FAM24B: variants seen among roughly 807,000 people sequenced by gnomAD.
The protein encoded by FAM24B is protein FAM24B.
Under a neutral mutation model 2.3 loss-of-function variants are expected in FAM24B, and 3 were observed. The observed-to-expected ratio is 1.29, with a 90% CI of 0.59 to 3.32. The LOEUF (loss-of-function observed/expected upper bound fraction) is 3.32, where lower values mean the gene tolerates loss of function less well. Ranked by LOEUF, FAM24B falls within the 30% of genes most tolerant of loss-of-function variation. The pLI is 0.03. For missense variants in FAM24B, 98 were observed against 117.2 expected, an observed-to-expected ratio of 0.84 and a Z score of 0.76; for synonymous variants, 36 against 46.3, an observed-to-expected ratio of 0.78 and a Z score of 0.90.
chr10:122,855,205 A>G (rs1847617836), intron 2 of FAM24B: 1 of 152,196 alleles, frequency 6.6e-6, no homozygotes, highest in African/African-American at 2.4e-5. Flanking sequence ...GATTTTATGA[A>G]CTGCCAAGGT....
chr10:122,873,478 C>T (rs963331243), intron 1 of FAM24B, among the ~76,000 whole-genome samples: 2 of 152,224 alleles, frequency 1.3e-5, no homozygotes, highest in Admixed American at 6.5e-5. Context: ...TGATGCTTGG[C>T]CAGGGCCACC....
At chr10:122,876,862 AC>A (rs1262347359) in intron 1 of FAM24B, among the ~76,000 whole-genome samples, 1 of 152,228 alleles carries the variant, frequency 6.6e-6, no homozygotes, top group African/African-American at 2.4e-5. Flanking sequence ...AGAAAAGAGC[AC>A]ACAAAAACAA....
At chr10:122,867,905 C>T (rs917783013) in intron 1 of FAM24B, among the ~76,000 whole-genome samples, 1 of 152,212 alleles carries the variant, frequency 6.6e-6, no homozygotes, top group Admixed American at 6.5e-5. Flanking sequence ...CAAAGGAACG[C>T]AGCTCCTCAC....
intron 1 of FAM24B, among the ~76,000 whole-genome samples, chr10:122,865,169 A>G (rs949926106): frequency 6.6e-6 from 1 of 152,196 alleles, no homozygotes; most frequent in African/African-American, 2.4e-5. Context: ...ACCCACCAGC[A>G]TCATTTGGAT....
chr10:122,871,204 A>T (rs1378842073), intron 1 of FAM24B, among the ~76,000 whole-genome samples: 2 of 151,870 alleles, frequency 1.3e-5, no homozygotes, highest in African/African-American at 4.8e-5. Flanking sequence ...AAAGAGAATA[A>T]AATACCTAGG....
chr10:122,857,197 A>C (rs1339913801), intron 1 of FAM24B, among the ~76,000 whole-genome samples: 1 of 152,212 alleles, frequency 6.6e-6, no homozygotes, highest in East Asian at 1.9e-4. Context: ...CTACCCAGAT[A>C]ATCTCTATTT....
intron 1 of FAM24B, among the ~76,000 whole-genome samples, chr10:122,867,537 C>T (rs893662322): frequency 2.6e-5 from 4 of 152,188 alleles, no homozygotes; most frequent in Non-Finnish European, 5.9e-5. Context: ...TGGGAGGCAC[C>T]CCCTAGTAGG....
At chr10:122,860,581 A>C (rs1847713098) in intron 1 of FAM24B, among the ~76,000 whole-genome samples, 2 of 152,222 alleles carry the variant, frequency 1.3e-5, no homozygotes, top group Non-Finnish European at 2.9e-5. Context: ...TGACTTTATA[A>C]AAAACTGCCA....
intron 2 of FAM24B, among the ~76,000 whole-genome samples, chr10:122,853,672 T>A (rs1324786016): frequency 1.3e-5 from 2 of 152,136 alleles, no homozygotes; most frequent in Non-Finnish European, 1.5e-5. Flanking sequence ...GAGGATTGGA[T>A]TGAGCTCAGG....
In FAM24B at chr10:122,877,103, T is replaced by A. The variant is rs566487953; in HGVS notation, c.-178+2382A>T. On this transcript the variant is annotated intron_variant, in intron 1 of 3. Coordinates refer to ENST00000368898, the MANE Select transcript of FAM24B (RefSeq NM_152644.3). ...GATATGCCTTATTCTTTATTTCAAGTGAAAAAATAAAAATAAAGCAAAAAA... is the reference window on the plus strand; with the variant it reads ...GATATGCCTTATTCTTTATTTCAAGAGAAAAAATAAAAATAAAGCAAAAAA... Among the ~76,000 whole-genome samples, 16 of 152,202 alleles carry A rather than the reference T, an allele frequency of 1.1e-4. No individual in the cohort carries two copies. In the East Asian group the frequency reaches 2.1e-3, roughly 20 times the overall value.
Position 122,873,849 on chromosome 10 carries a change from T to A in FAM24B, c.-178+5636A>T, listed in dbSNP as rs552728004. On this transcript the variant is annotated intron_variant, in intron 1 of 3. Coordinates refer to ENST00000368898, the MANE Select transcript of FAM24B (RefSeq NM_152644.3). The stretch of plus-strand genomic sequence containing the variant: ...ACTTTCATTTAGTTTGAAATATTTT[T>A]AAATTTCTCTTGAAACTTCGAGCCA... Among the ~76,000 whole-genome samples the A allele has an allele frequency of 3.3e-5, 5 of 152,378 alleles. No individual in the cohort carries two copies. In the East Asian group the frequency reaches 9.6e-4, roughly 29 times the overall value.
intron 1 of FAM24B, among the ~76,000 whole-genome samples, chr10:122,872,419 A>G (rs1205259718): frequency 2.0e-5 from 3 of 152,272 alleles, no homozygotes; most frequent in Non-Finnish European, 4.4e-5. Flanking sequence ...CATTTGACCC[A>G]GCCATCCCAT....
At chr10:122,868,676 C>A (rs1385891762) in intron 1 of FAM24B, among the ~76,000 whole-genome samples, 1 of 152,092 alleles carries the variant, frequency 6.6e-6, no homozygotes, top group Non-Finnish European at 1.5e-5. Flanking sequence ...TCATATCCAG[C>A]CAAACTAAGC....
chr10:122,874,673 CT>C (rs1202409641), intron 1 of FAM24B, among the ~76,000 whole-genome samples: 2 of 152,118 alleles, frequency 1.3e-5, no homozygotes, highest in African/African-American at 4.8e-5. Context: ...GACTCTTTGA[CT>C]TTGGTTTTCC....
chr10:122,871,768 C>T (rs1289173346), intron 1 of FAM24B, among the ~76,000 whole-genome samples: 3 of 151,966 alleles, frequency 2.0e-5, no homozygotes, highest in African/African-American at 7.2e-5. Flanking sequence ...CTTCCTTACA[C>T]CTTATACAAA....
At chr10:122,862,326 A>G (rs1452946047) in intron 1 of FAM24B, among the ~76,000 whole-genome samples, 2 of 152,232 alleles carry the variant, frequency 1.3e-5, no homozygotes, top group Non-Finnish European at 2.9e-5. Context: ...TAGAATATAA[A>G]TGCCATGACA....
intron 3 of FAM24B, 32 bp downstream of exon 3, chr10:122,850,392 A>G: frequency 6.4e-7 from 1 of 1,552,276 alleles, no homozygotes; most frequent in South Asian, 1.1e-5. Context: ...GACTCACTTT[A>G]GTACGTTGTT....
chr10:122,849,168 A>C lies in FAM24B; in HGVS notation c.*79T>G, dbSNP rs1847482503. 1 of 1,093,198 alleles carries C rather than the reference A, an allele frequency of 9.1e-7. No individual in the cohort carries two copies. Among genetic ancestry groups the C allele is most frequent in the African/African-American group, 1.6e-5 (1 of 63,124 alleles). The allele number at this position is 1,093,198 out of a possible 1,614,324, so 67.7% of individuals were successfully genotyped here. Reference sequence around the variant, plus strand: ...AAATTATATAATCTCACATAAAAACACTAGAACTTGATTTGAATAACAAAA... The same window carrying C: ...AAATTATATAATCTCACATAAAAACCCTAGAACTTGATTTGAATAACAAAA... On this transcript the variant is annotated 3_prime_UTR_variant, in exon 4 of 4. Transcript: ENST00000368898.
At chr10:122,875,127 A>G (rs1179667190) in intron 1 of FAM24B, among the ~76,000 whole-genome samples, 1 of 152,154 alleles carries the variant, frequency 6.6e-6, no homozygotes, top group African/African-American at 2.4e-5. Flanking sequence ...TGGATAGTCT[A>G]CTTTTTCATC....
Sources: gnomAD v4.1 joint callset for allele counts (sites outside exome capture counted in the v4.1 genomes callset) on GRCh38, gnomAD v4.1.1 for gene constraint, MANE v1.5 for transcripts, NCBI Gene and HGNC (gene_info 2026-07-23, HGNC 2026-07-21) for gene names.